Variants in TENM3 observed in about 807,000 individuals in gnomAD.
TENM3 encodes teneurin-3.
TENM3 carries 63 observed loss-of-function variants against 255.1 expected under a neutral mutation model. The observed-to-expected ratio is 0.25, with a 90% CI of 0.20 to 0.30. The LOEUF (loss-of-function observed/expected upper bound fraction) is 0.30, where lower values mean the gene tolerates loss of function less well. Among genes scored for constraint, TENM3 ranks in the 10% least tolerant of loss-of-function variants. The pLI, the probability that TENM3 is intolerant of heterozygous loss-of-function variation, is 1.00. For missense variants in TENM3, 2,929 were observed against 3,461.1 expected (o/e 0.85, Z 3.86); for synonymous variants, 1,306 against 1,322.3 (o/e 0.99, Z 0.27).
intron 4 of TENM3, among the ~76,000 whole-genome samples, chr4:182,619,794 C>G (rs184365404): frequency 2.7e-4 from 41 of 152,270 alleles, no homozygotes; most frequent in Non-Finnish European, 5.1e-4. Flanking sequence ...GTGTGTCTCT[C>G]TAGCTCATCA....
chr4:181,966,070 T>A, the TENM3 span, among the ~76,000 whole-genome samples: 37 of 152,322 alleles, frequency 2.4e-4, no homozygotes, highest in African/African-American at 8.4e-4. Flanking sequence ...TGCCTGCATA[T>A]CAATTTGACT....
intron 19 of TENM3, among the ~76,000 whole-genome samples, chr4:182,745,657 A>C (rs534455284): frequency 2.6e-5 from 4 of 152,184 alleles, no homozygotes; most frequent in Non-Finnish European, 5.9e-5. Flanking sequence ...GCAGACAGTT[A>C]AACCACTCTA....
chr4:181,552,785 C>T, the TENM3 span, among the ~76,000 whole-genome samples: 3 of 152,232 alleles, frequency 2.0e-5, no homozygotes, highest in Non-Finnish European at 4.4e-5. Flanking sequence ...AAACCACTTC[C>T]TTAGGACAAA....
At chr4:182,077,569 G>A in the TENM3 span, among the ~76,000 whole-genome samples, 2 of 152,164 alleles carry the variant, frequency 1.3e-5, no homozygotes. Context: ...GGGGCAGGTA[G>A]AGGAAGGAAG....
At chr4:182,665,328 C>A (rs1366897635) in intron 6 of TENM3, among the ~76,000 whole-genome samples, 1 of 152,148 alleles carries the variant, frequency 6.6e-6, no homozygotes, top group Non-Finnish European at 1.5e-5. Flanking sequence ...ACTGTTGAGA[C>A]CTACTGCTCA....
chr4:182,396,259 C>A (rs890375436), intron 3 of TENM3, among the ~76,000 whole-genome samples: 6 of 152,136 alleles, frequency 3.9e-5, no homozygotes, highest in Admixed American at 2.0e-4. Context: ...ATGAGGCTGT[C>A]TAAATACAGT....
At chr4:181,596,780 A>T in the TENM3 span, among the ~76,000 whole-genome samples, 5 of 152,200 alleles carry the variant, frequency 3.3e-5, no homozygotes, top group African/African-American at 1.2e-4. Flanking sequence ...TGTCCTTTGC[A>T]GGAACATGGA....
chr4:182,262,775 C>A (rs571281231), intron 1 of TENM3, among the ~76,000 whole-genome samples: 3 of 147,750 alleles, frequency 2.0e-5, no homozygotes, highest in Non-Finnish European at 3.0e-5. Context: ...ATGCAGTGGC[C>A]TGATCTCAGC....
chr4:182,182,694 T>A (rs1288292578), intron 1 of TENM3, among the ~76,000 whole-genome samples: 1 of 152,318 alleles, frequency 6.6e-6, no homozygotes, highest in East Asian at 1.9e-4. Context: ...TTAACTGTTG[T>A]GTGTTCTTAA....
At chr4:181,994,413 A>ATGTC in the TENM3 span, among the ~76,000 whole-genome samples, 1 of 152,264 alleles carries the variant, frequency 6.6e-6, no homozygotes, top group South Asian at 2.1e-4. Flanking sequence ...TATTCTCAAC[A>ATGTC]TGTCTGTCTG....
chr4:182,504,270 A>T (rs1004235229), intron 3 of TENM3, among the ~76,000 whole-genome samples: 8 of 151,642 alleles, frequency 5.3e-5, no homozygotes, highest in Non-Finnish European at 7.4e-5. Context: ...TACCTTCACT[A>T]TTATTAAAGG....
At chr4:181,942,797 C>G in the TENM3 span, among the ~76,000 whole-genome samples, 4 of 152,156 alleles carry the variant, frequency 2.6e-5, no homozygotes, top group Non-Finnish European at 2.9e-5. Flanking sequence ...ATCTGAGAGT[C>G]AATTTCATGT....
intron 3 of TENM3, among the ~76,000 whole-genome samples, chr4:182,587,504 G>A (rs1178231698): frequency 2.0e-5 from 3 of 152,122 alleles, no homozygotes; most frequent in Non-Finnish European, 4.4e-5. Context: ...GCTTGAACCC[G>A]GGAGACAGAG....
At chr4:182,182,112 G>T (rs1752875180) in intron 1 of TENM3, among the ~76,000 whole-genome samples, 1 of 152,020 alleles carries the variant, frequency 6.6e-6, no homozygotes, top group Non-Finnish European at 1.5e-5. Context: ...TGTCCAACTG[G>T]ATGGTTGTAT....
At chr4:182,656,770 A>C (rs1018272889) in intron 6 of TENM3, among the ~76,000 whole-genome samples, 5 of 152,212 alleles carry the variant, frequency 3.3e-5, no homozygotes, top group Non-Finnish European at 5.9e-5. Context: ...ATTCTAAGGA[A>C]CAATCATTGT....
intron 3 of TENM3, among the ~76,000 whole-genome samples, chr4:182,456,009 A>G (rs1450664097): frequency 3.3e-5 from 5 of 152,202 alleles, no homozygotes; most frequent in African/African-American, 9.6e-5. Flanking sequence ...TCAGAAAACC[A>G]CTTTGTCTCA....
the TENM3 span, among the ~76,000 whole-genome samples, chr4:181,768,483 G>T: frequency 6.6e-6 from 1 of 152,164 alleles, no homozygotes; most frequent in Non-Finnish European, 1.5e-5. Context: ...TACAAAAATA[G>T]TTCTTAGTTT....
chr4:181,809,510 A>G, the TENM3 span, among the ~76,000 whole-genome samples: 1 of 152,044 alleles, frequency 6.6e-6, no homozygotes, highest in Admixed American at 6.6e-5. Context: ...CTACTTACGG[A>G]GTTGGACATC....
At chr4:182,708,389 G>C (rs1025271970) in intron 12 of TENM3, among the ~76,000 whole-genome samples, 5 of 152,062 alleles carry the variant, frequency 3.3e-5, no homozygotes, top group Non-Finnish European at 7.4e-5. Context: ...TTCATAATCT[G>C]TACATTACAG....
Sources: allele counts gnomAD v4.1 joint callset (sites outside exome capture counted in the v4.1 genomes callset), GRCh38; gene constraint gnomAD v4.1.1; transcripts MANE v1.5; gene names NCBI Gene and HGNC (gene_info 2026-07-23, HGNC 2026-07-21).